The following PDHX variants were observed in gnomAD, a reference collection of about 807,000 sequenced individuals.
The protein encoded by PDHX is pyruvate dehydrogenase complex component X.
PDHX carries 33 observed loss-of-function variants against 55.3 expected under a neutral mutation model. The observed-to-expected ratio is 0.60, with a 90% confidence interval of 0.45 to 0.80. The LOEUF is 0.80. Among genes scored for constraint, PDHX ranks in the 30% least tolerant of loss-of-function variants. PDHX has a pLI of 0.00. For missense variants in PDHX, 622 were observed against 619.9 expected, an observed-to-expected ratio of 1.00 and a Z score of -0.04; for synonymous variants, 226 against 219.4, an observed-to-expected ratio of 1.03 and a Z score of -0.27.
At chr11:34,946,600 AT>A (rs1428536327) in intron 2 of PDHX, among the ~76,000 whole-genome samples, 1 of 152,186 alleles carries the variant, frequency 6.6e-6, no homozygotes, top group Non-Finnish European at 1.5e-5. Context: ...ATATTGGCAG[AT>A]ACAGCCCCGG....
chr11:34,954,705 CACAGCAATAACA>C (rs1342145103), intron 3 of PDHX, among the ~76,000 whole-genome samples: 1 of 152,080 alleles, frequency 6.6e-6, no homozygotes, highest in African/African-American at 2.4e-5. Flanking sequence ...AGGAAAACAC[CACAGCAATAACA>C]ACAGCAATAA....
At chr11:34,945,117 T>C (rs928523787) in intron 2 of PDHX, among the ~76,000 whole-genome samples, 1 of 152,190 alleles carries the variant, frequency 6.6e-6, no homozygotes, top group African/African-American at 2.4e-5. Context: ...TATTATAAGT[T>C]GATGCAAAAG....
At chr11:34,975,663 C>CT (rs1681958391) in intron 7 of PDHX, among the ~76,000 whole-genome samples, 1 of 152,162 alleles carries the variant, frequency 6.6e-6, no homozygotes, top group South Asian at 2.1e-4. Flanking sequence ...CTCCTGTACT[C>CT]TGACAGTGGG....
At chr11:34,928,171 C>T (rs1324660347) in intron 1 of PDHX, among the ~76,000 whole-genome samples, 4 of 151,866 alleles carry the variant, frequency 2.6e-5, no homozygotes, top group Non-Finnish European at 5.9e-5. Context: ...CCAAAGCATA[C>T]AAATATTGGA....
upstream of PDHX, chr11:34,916,259 C>G: frequency 6.2e-7 from 1 of 1,612,632 alleles, no homozygotes; most frequent in Non-Finnish European, 8.5e-7. Context: ...ACAACAGTCT[C>G]CCTCCCGAGC....
intron 4 of PDHX, among the ~76,000 whole-genome samples, chr11:34,958,417 C>T (rs1324524964): frequency 1.3e-5 from 2 of 152,098 alleles, no homozygotes; most frequent in African/African-American, 2.4e-5. Context: ...TCTCCTGCCT[C>T]AGCCTCCTGA....
intron 3 of PDHX, among the ~76,000 whole-genome samples, chr11:34,956,266 A>G (rs1854904265): frequency 6.6e-6 from 1 of 152,068 alleles, no homozygotes; most frequent in African/African-American, 2.4e-5. Context: ...TTCATCAGTA[A>G]TTAGTAAACT....
rs545415717 is a variant in PDHX at position 34,934,754 on chromosome 11, A to G, written c.241+3270A>G. Among the ~76,000 whole-genome samples the G allele has an allele frequency of 1.7e-3, 261 of 151,064 alleles. 1 individual carries two copies. Among genetic ancestry groups the G allele is most frequent in the Non-Finnish European group, 2.7e-3 (184 of 67,700 alleles). On this transcript the variant is annotated intron_variant, in intron 2 of 10. Coordinates refer to ENST00000227868, the MANE Select transcript of PDHX (RefSeq NM_003477.3). ...CCACCATGCCTGGTTAGTTTTTTGT[A>G]TTTTTTTAGAGACAGGGTCTCCCTG...
chr11:34,978,425 C>G (rs1228393483), intron 8 of PDHX, among the ~76,000 whole-genome samples: 1 of 152,068 alleles, frequency 6.6e-6, no homozygotes, highest in East Asian at 1.9e-4. Flanking sequence ...GAGCAGTAAA[C>G]AAAAGCTTAC....
chr11:34,922,864 T>TTGTGTGTG (rs60096111), intron 1 of PDHX, among the ~76,000 whole-genome samples: 3,015 of 143,394 alleles, frequency 0.021, 48 homozygotes, highest in South Asian at 0.064. Flanking sequence ...CAAAGTATCG[T>TTGTGTGTG]TGTGTGTGTG....
At chr11:34,990,852 TAAATC>T (rs1187014406) in intron 9 of PDHX, among the ~76,000 whole-genome samples, 2 of 152,204 alleles carry the variant, frequency 1.3e-5, no homozygotes, top group African/African-American at 4.8e-5. Context: ...TTTAAAAAAT[TAAATC>T]ATCTATGAAT....
intron 3 of PDHX, among the ~76,000 whole-genome samples, chr11:34,949,859 G>A (rs946715854): frequency 6.6e-6 from 1 of 152,054 alleles, no homozygotes; most frequent in Non-Finnish European, 1.5e-5. Context: ...TATATTTATT[G>A]ATAGATTTTT....
At chr11:34,931,606 T>C in intron 2 of PDHX, 122 bp downstream of exon 2, 1 of 662,686 alleles carries the variant, frequency 1.5e-6, no homozygotes, top group Non-Finnish European at 2.7e-6. Flanking sequence ...ATTGTGTTCC[T>C]TTGGTAGTTA....
intron 2 of PDHX, among the ~76,000 whole-genome samples, chr11:34,936,653 A>G (rs1854318036): frequency 6.6e-6 from 1 of 152,186 alleles, no homozygotes. Context: ...AATGGCTGTA[A>G]GATCAGATAG....
intron 4 of PDHX, among the ~76,000 whole-genome samples, chr11:34,959,455 G>A (rs1369454734): frequency 1.3e-5 from 2 of 152,038 alleles, no homozygotes; most frequent in South Asian, 2.1e-4. Context: ...ACAAGTGTTG[G>A]CAAGGACATG....
Position 34,992,386 on chromosome 11 carries a change from T to C in PDHX, c.1247+7T>C. The C allele has an allele frequency of 1.4e-6, 2 of 1,471,572 alleles. No individual in the cohort carries two copies. The highest frequency in any genetic ancestry group is 9.5e-7 in the Non-Finnish European group (1 of 1,051,222). 91.2% of individuals were successfully genotyped at this position (1,471,572 alleles called of 1,614,324 possible). ...ACCAAGGAGGATCTTTTAGGTAAAA[T>C]TTAAACTCTTAATTATCCATAGCAT... On this transcript the variant is annotated splice_region_variant and intron_variant, in intron 10 of 10. Transcript: ENST00000227868.
intron 5 of PDHX, among the ~76,000 whole-genome samples, chr11:34,961,571 A>G (rs768724990): frequency 6.6e-6 from 1 of 152,240 alleles, no homozygotes; most frequent in Non-Finnish European, 1.5e-5. Context: ...TTAAATTATA[A>G]GTGGCAGTGT....
intron 6 of PDHX, 152 bp downstream of exon 6, chr11:34,966,966 C>G (rs1855149798): frequency 2.8e-6 from 2 of 702,492 alleles, no homozygotes; most frequent in Admixed American, 4.6e-5. Context: ...ATTCTCCTGC[C>G]TTAGCTTCCT....
At chr11:34,994,123 GAGTGTACTTACGCAAATCATGCAAACAT>G (rs1855812230) in intron 10 of PDHX, among the ~76,000 whole-genome samples, 1 of 152,122 alleles carries the variant, frequency 6.6e-6, no homozygotes, top group Non-Finnish European at 1.5e-5. Flanking sequence ...AAACATCATA[GAGTGTACTTACGCAAATCATGCAAACAT>G]CATAGAGTGT....
Sources: gnomAD v4.1 joint callset for allele counts (sites outside exome capture counted in the v4.1 genomes callset) on GRCh38, gnomAD v4.1.1 for gene constraint, MANE v1.5 for transcripts, NCBI Gene and HGNC (gene_info 2026-07-23, HGNC 2026-07-21) for gene names.